The following CLEC9A variants were observed in gnomAD, a reference collection of about 807,000 sequenced individuals.
CLEC9A encodes C-type lectin domain containing 9A, also known as C-type lectin domain family 9 member A.
In CLEC9A, 24 loss-of-function variants were observed where a neutral mutation model predicts 30.0. The observed-to-expected ratio is 0.80, with a 90% CI of 0.58 to 1.13. The LOEUF (loss-of-function observed/expected upper bound fraction) is 1.13. Among genes scored for constraint, CLEC9A ranks in the 50% most tolerant of loss-of-function variants. The pLI, the probability that CLEC9A is intolerant of heterozygous loss-of-function variation, is 0.00. For missense variants in CLEC9A, 251 were observed against 280.9 expected (o/e 0.89, Z 0.76); for synonymous variants, 111 against 96.8 (o/e 1.15, Z -0.86).
In CLEC9A at chr12:10,061,107, A is replaced by G; in HGVS notation, c.173-20A>G. 6.2e-7 allele frequency: 1 copy of G among 1,604,510 alleles called. No individual in the cohort carries two copies. The highest frequency in any genetic ancestry group is 8.5e-7 in the Non-Finnish European group (1 of 1,176,906). ...ATAAAATGTCAGGATTTTATTAGGA[A>G]TGATTGCTATCATGTGAAGTGTTGC... On this transcript the variant is annotated intron_variant, in intron 5 of 8. Transcript: ENST00000355819.
At chr12:10,037,727 A>C (rs1406142923) in intron 1 of CLEC9A, among the ~76,000 whole-genome samples, 2 of 152,212 alleles carry the variant, frequency 1.3e-5, no homozygotes, top group Non-Finnish European at 1.5e-5. Flanking sequence ...ACAATCTTAC[A>C]TAAAAGGATG....
intron 2 of CLEC9A, 120 bp from the exon 3 acceptor site, chr12:10,051,871 C>T (rs965030184): frequency 6.6e-6 from 1 of 152,192 alleles, no homozygotes; most frequent in Non-Finnish European, 1.5e-5. Context: ...ATTTTTCAAG[C>T]TCAAACCTTA....
chr12:10,048,089 C>T (rs969986998), intron 2 of CLEC9A, among the ~76,000 whole-genome samples: 6 of 130,286 alleles, frequency 4.6e-5, no homozygotes, highest in Non-Finnish European at 7.3e-5. Context: ...AAAAATTAGC[C>T]GGGCGCGGTG....
At chr12:10,038,279 T>TTTTG (rs1455174261) in intron 1 of CLEC9A, among the ~76,000 whole-genome samples, 1 of 152,350 alleles carries the variant, frequency 6.6e-6, no homozygotes, top group Middle Eastern at 3.4e-3. Flanking sequence ...GTACTGTCTT[T>TTTTG]TTTGTTTGTT....
chr12:10,065,413 G>A, intron 8 of CLEC9A, 87 bp from the exon 9 acceptor site: 1 of 1,472,462 alleles, frequency 6.8e-7, no homozygotes, highest in South Asian at 1.3e-5. Flanking sequence ...AACAAAACAA[G>A]CAGCTACACA....
intron 7 of CLEC9A, among the ~76,000 whole-genome samples, chr12:10,064,014 AAATAAT>A (rs998975159): frequency 4.5e-4 from 69 of 152,262 alleles, no homozygotes; most frequent in African/African-American, 1.4e-3. Context: ...CATCTCAAAA[AAATAAT>A]AATAATAAAA....
chr12:10,050,214 T>G (rs188498812), intron 2 of CLEC9A, among the ~76,000 whole-genome samples: 2 of 152,286 alleles, frequency 1.3e-5, no homozygotes, highest in East Asian at 3.9e-4. Flanking sequence ...CCCCAAACAA[T>G]TATAACAGTA....
intron 7 of CLEC9A, among the ~76,000 whole-genome samples, chr12:10,064,246 A>G (rs982180923): frequency 6.6e-6 from 1 of 152,198 alleles, no homozygotes. Flanking sequence ...TTACAGTTGT[A>G]GGTGCAAAAA....
At chr12:10,033,425 C>G (rs922681305) in intron 1 of CLEC9A, among the ~76,000 whole-genome samples, 1 of 152,132 alleles carries the variant, frequency 6.6e-6, no homozygotes, top group South Asian at 2.1e-4. Context: ...TGCTTGATCT[C>G]CAGAACCACA....
intron 2 of CLEC9A, among the ~76,000 whole-genome samples, chr12:10,047,804 C>A (rs188855530): frequency 1.3e-5 from 2 of 152,132 alleles, no homozygotes; most frequent in African/African-American, 2.4e-5. Context: ...AAAATGCTAA[C>A]GATTACCTGA....
At chr12:10,043,156 G>T in intron 2 of CLEC9A, 4 of 362,494 alleles carry the variant, frequency 1.1e-5, no homozygotes, top group East Asian at 9.5e-5. Flanking sequence ...TTGTCTTTAT[G>T]TCATTATCAA....
intron 6 of CLEC9A, among the ~76,000 whole-genome samples, chr12:10,061,622 T>C (rs1258598900): frequency 6.6e-6 from 1 of 152,184 alleles, no homozygotes. Flanking sequence ...AATTTCCCAA[T>C]ATATTTAGTT....
chr12:10,037,390 C>CATTT (rs1865752681), intron 1 of CLEC9A, among the ~76,000 whole-genome samples: 1 of 152,138 alleles, frequency 6.6e-6, no homozygotes, highest in Non-Finnish European at 1.5e-5. Context: ...TTCATTCATT[C>CATTT]ATTTTCCCAC....
intron 5 of CLEC9A, 115 bp downstream of exon 5, chr12:10,054,466 A>G (rs938269042): frequency 1.5e-6 from 1 of 675,616 alleles, no homozygotes; most frequent in African/African-American, 1.8e-5. Flanking sequence ...ATATAAAATA[A>G]TGGCCTCAAA....
rs148166722 is a variant in CLEC9A, at chr12:10,054,360, T to G, written c.172+9T>G. 3.6e-5 allele frequency: 57 copies of G among 1,565,090 alleles called. No homozygotes were observed. The African/African-American group carries it at 5.0e-4, about 14-fold the overall frequency. Reference sequence around the variant, plus strand: ...TTTCTTGGGCGTCAAGTGTAAGTACTAAAAGATATTTTCAAAATATGTATA... The same window carrying G: ...TTTCTTGGGCGTCAAGTGTAAGTACGAAAAGATATTTTCAAAATATGTATA... On this transcript the variant is annotated intron_variant, in intron 5 of 8. Transcript: ENST00000355819.
chr12:10,054,286 T>C lies in CLEC9A; in HGVS notation c.107T>C (p.Val36Ala). Residue 36 changes from valine to alanine, a missense_variant, in exon 5 of 9, where the codon GTG becomes GCG. Physicochemically the swap from Val to Ala is moderately conservative, Grantham distance 64. Transcript: ENST00000355819. The part of the protein sequence containing the change: ...SNKCSGACCL[V>A]MVISCVFCMG... ...CTGTGGTTAGGAGCATGCTGTCTTG[T>C]GATGGTGATTTCATGTGTTTTCTGC... The C allele has an allele frequency of 6.2e-7, 1 of 1,613,132 alleles. No individual in the cohort carries two copies. Among genetic ancestry groups the C allele is most frequent in the Middle Eastern group, 1.7e-4 (1 of 6,056 alleles).
intron 6 of CLEC9A, among the ~76,000 whole-genome samples, chr12:10,061,939 A>G (rs1374243165): frequency 1.3e-5 from 2 of 152,222 alleles, no homozygotes; most frequent in African/African-American, 4.8e-5. Flanking sequence ...CAATGAGAGA[A>G]GTCAAACATC....
chr12:10,057,485 T>C (rs914018999), intron 5 of CLEC9A, among the ~76,000 whole-genome samples: 1 of 151,898 alleles, frequency 6.6e-6, no homozygotes, highest in Non-Finnish European at 1.5e-5. Context: ...GGCCAGTACC[T>C]GACAATAGAA....
At chr12:10,063,836 T>A (rs999323046) in intron 7 of CLEC9A, among the ~76,000 whole-genome samples, 1 of 152,082 alleles carries the variant, frequency 6.6e-6, no homozygotes, top group African/African-American at 2.4e-5. Flanking sequence ...GGTGAAACCC[T>A]GTCTCTACTA....
Sources: allele counts gnomAD v4.1 joint callset (sites outside exome capture counted in the v4.1 genomes callset), GRCh38; gene constraint gnomAD v4.1.1; transcripts MANE v1.5; gene names NCBI Gene and HGNC (gene_info 2026-07-23, HGNC 2026-07-21).